The following GRIA4 variants were observed in gnomAD, a reference collection of about 807,000 sequenced individuals.
The protein encoded by GRIA4 is glutamate ionotropic receptor AMPA type subunit 4.
Under a neutral mutation model 104.0 loss-of-function variants are expected in GRIA4, and 34 were observed. That is an observed-to-expected ratio of 0.33 (90% CI 0.25 to 0.44). GRIA4 has a LOEUF of 0.44. GRIA4 is among the 20% of genes least tolerant of loss of function. The pLI, the probability that GRIA4 is intolerant of heterozygous loss-of-function variation, is 1.00. For synonymous variants in GRIA4, 386 were observed against 381.9 expected (o/e 1.01, Z -0.13); for missense variants, 750 against 1,096.5 (o/e 0.68, Z 4.46).
intron 3 of GRIA4, among the ~76,000 whole-genome samples, chr11:105,724,677 A>C (rs1482701454): frequency 6.6e-6 from 1 of 152,116 alleles, no homozygotes; most frequent in African/African-American, 2.4e-5. Flanking sequence ...AAATTACTTA[A>C]TGAATGCAGT....
intron 7 of GRIA4, among the ~76,000 whole-genome samples, chr11:105,899,940 T>C (rs1412368048): frequency 1.3e-5 from 2 of 152,144 alleles, no homozygotes; most frequent in Non-Finnish European, 2.9e-5. Flanking sequence ...CACTATGCTT[T>C]TGGGCCATGT....
intron 3 of GRIA4, among the ~76,000 whole-genome samples, chr11:105,685,934 T>TA (rs373141950): frequency 2.1e-3 from 317 of 151,554 alleles, no homozygotes; most frequent in African/African-American, 7.1e-3. Context: ...AAAGTCACAT[T>TA]AAAAAAAAGA....
Position 105,736,306 on chromosome 11 carries a change from CT to C in GRIA4, c.248-16673del, listed in dbSNP as rs530191935. ...CCCTGTGGATGCTGTACTTTGCAGT[CT>C]TCATTTAGAGTAAATTAATGGTAGG... On this transcript the variant is annotated intron_variant, in intron 3 of 16. Transcript: ENST00000282499. Among the ~76,000 whole-genome samples, 40 of 152,040 alleles carry C rather than the reference CT, an allele frequency of 2.6e-4. No individual in the cohort carries two copies. In the East Asian group the frequency reaches 7.0e-3, roughly 27 times the overall value.
chr11:105,840,347 A>G (rs1339042386), intron 4 of GRIA4, among the ~76,000 whole-genome samples: 1 of 152,060 alleles, frequency 6.6e-6, no homozygotes, highest in Admixed American at 6.5e-5. Flanking sequence ...TCTACCCACA[A>G]TAAAGCAGGT....
intron 10 of GRIA4, chr11:105,913,372 A>T (rs2136172741): frequency 2.0e-6 from 1 of 505,438 alleles, no homozygotes; most frequent in East Asian, 1.5e-4. Context: ...TAATGAATTT[A>T]TTCTACCTGA....
intron 4 of GRIA4, among the ~76,000 whole-genome samples, chr11:105,818,011 G>A (rs565587939): frequency 1.1e-4 from 17 of 152,042 alleles, no homozygotes; most frequent in Admixed American, 7.9e-4. Flanking sequence ...AGTGTAAGAA[G>A]AAAAATAAAT....
At chr11:105,810,305 A>C (rs1943121020) in intron 4 of GRIA4, among the ~76,000 whole-genome samples, 2 of 152,180 alleles carry the variant, frequency 1.3e-5, no homozygotes, top group Non-Finnish European at 2.9e-5. Flanking sequence ...TAGCTCTGGG[A>C]GATAGCTTGC....
chr11:105,934,750 A>T (rs1947982920), intron 14 of GRIA4, among the ~76,000 whole-genome samples: 1 of 152,166 alleles, frequency 6.6e-6, no homozygotes, highest in Admixed American at 6.6e-5. Context: ...TTGGTCCTGG[A>T]CATAGAAAAT....
intron 4 of GRIA4, among the ~76,000 whole-genome samples, chr11:105,767,688 C>T (rs1431469083): frequency 1.3e-5 from 2 of 152,114 alleles, no homozygotes; most frequent in Admixed American, 6.6e-5. Flanking sequence ...ATGTGAAATA[C>T]AGCTCTAAAA....
intron 3 of GRIA4, among the ~76,000 whole-genome samples, chr11:105,722,354 T>C (rs1937882395): frequency 1.3e-5 from 2 of 152,154 alleles, no homozygotes; most frequent in Non-Finnish European, 1.5e-5. Flanking sequence ...GTGGTACAAC[T>C]CAACATTTTT....
intron 5 of GRIA4, among the ~76,000 whole-genome samples, chr11:105,869,901 A>G (rs1232568440): frequency 6.6e-6 from 1 of 152,120 alleles, no homozygotes; most frequent in African/African-American, 2.4e-5. Flanking sequence ...GACAAGTTTA[A>G]GATTAGAAGG....
At chr11:105,977,064 C>T (rs919679536) in intron 16 of GRIA4, among the ~76,000 whole-genome samples, 3 of 151,816 alleles carry the variant, frequency 2.0e-5, no homozygotes, top group African/African-American at 7.2e-5. Flanking sequence ...AGGAAGAAAA[C>T]AAAAACAGAT....
intron 3 of GRIA4, among the ~76,000 whole-genome samples, chr11:105,680,568 T>C (rs1952677429): frequency 6.6e-6 from 1 of 152,162 alleles, no homozygotes; most frequent in Non-Finnish European, 1.5e-5. Flanking sequence ...TGCTACGAAG[T>C]GAGTTCCTTA....
chr11:105,817,718 A>G (rs974287105), intron 4 of GRIA4, among the ~76,000 whole-genome samples: 55 of 152,260 alleles, frequency 3.6e-4, no homozygotes, highest in African/African-American at 1.2e-3. Context: ...AATATCGTAC[A>G]TTATATATAG....
At chr11:105,685,579 A>G (rs1170301135) in intron 3 of GRIA4, among the ~76,000 whole-genome samples, 1 of 152,210 alleles carries the variant, frequency 6.6e-6, no homozygotes, top group African/African-American at 2.4e-5. Flanking sequence ...GTTTGAAACT[A>G]ATTACTTTAA....
At chr11:105,610,870 C>CTTTTTTTTTTTTTTT (rs55973528) in intron 1 of GRIA4, 38 bp from the exon 2 acceptor site, 13 of 357,366 alleles carry the variant, frequency 3.6e-5, no homozygotes, top group South Asian at 5.8e-5. Flanking sequence ...TCTTTCTTTT[C>CTTTTTTTTTTTTTTT]TTTTTTTTTT....
At chr11:105,757,899 T>C (rs1940402338) in intron 4 of GRIA4, among the ~76,000 whole-genome samples, 1 of 152,146 alleles carries the variant, frequency 6.6e-6, no homozygotes, top group South Asian at 2.1e-4. Context: ...AGTTCTGATT[T>C]TTTCCCCATG....
At chr11:105,855,056 C>T (rs1407526820) in intron 4 of GRIA4, among the ~76,000 whole-genome samples, 1 of 152,170 alleles carries the variant, frequency 6.6e-6, no homozygotes, top group Non-Finnish European at 1.5e-5. Context: ...TATTAACTAT[C>T]AATGATTAAT....
intron 5 of GRIA4, among the ~76,000 whole-genome samples, chr11:105,875,063 C>G (rs1945765099): frequency 6.6e-6 from 1 of 152,114 alleles, no homozygotes; most frequent in Non-Finnish European, 1.5e-5. Context: ...TCATGAATAG[C>G]TCTTATTATT....
Sources: gnomAD v4.1 joint callset for allele counts (sites outside exome capture counted in the v4.1 genomes callset) on GRCh38, gnomAD v4.1.1 for gene constraint, MANE v1.5 for transcripts, NCBI Gene and HGNC (gene_info 2026-07-23, HGNC 2026-07-21) for gene names.